MACROD2: variants seen among roughly 807,000 people sequenced by gnomAD.
The protein encoded by MACROD2 is ADP-ribose glycohydrolase MACROD2.
A neutral mutation model predicts 70.4 loss-of-function variants in MACROD2; 36 were observed. That is an observed-to-expected ratio of 0.51 (90% CI 0.39 to 0.68). The LOEUF is 0.68. Ranked by LOEUF, MACROD2 falls within the 30% of genes least tolerant of loss-of-function variation. The probability of loss-of-function intolerance (pLI) is 0.00; values close to 1 mark genes in which losing one functional copy is unlikely to be tolerated. For synonymous variants in MACROD2, 172 were observed against 178.8 expected (o/e 0.96, Z 0.30); for missense variants, 496 against 538.4 (o/e 0.92, Z 0.78).
At position 13,995,939 on chromosome 20, in the gene MACROD2, C is replaced by T. The variant is rs759098297; in HGVS notation, c.46+130C>T. ...GCGCCCTCCCGGCCGGTGCCGCCTCCCTCCGGTGTCCGTGTGTACACACGC... is the reference window on the plus strand; with the variant it reads ...GCGCCCTCCCGGCCGGTGCCGCCTCTCTCCGGTGTCCGTGTGTACACACGC... On this transcript the variant is annotated intron_variant, in intron 1 of 17. Coordinates refer to ENST00000684519, the MANE Select transcript of MACROD2 (RefSeq NM_001351661.2). This position sits in a 1 kb window ranked among gnomAD's most constrained non-coding sequence, Gnocchi z 4.3. 103 of 1,061,452 alleles carry T rather than the reference C, an allele frequency of 9.7e-5. No individual in the cohort carries two copies. Among genetic ancestry groups the T allele is most frequent in the Middle Eastern group, 6.0e-4 (2 of 3,330 alleles). The allele number at this position is 1,061,452 out of a possible 1,614,324, so 65.8% of individuals were successfully genotyped here. A position where few individuals can be genotyped will look rare whatever the true frequency, so the allele number is the denominator to read the frequency against.
At chr20:15,179,095 C>T (rs2076482438) in intron 5 of MACROD2, among the ~76,000 whole-genome samples, 1 of 152,112 alleles carries the variant, frequency 6.6e-6, no homozygotes, top group African/African-American at 2.4e-5. Context: ...CAGAATTTCA[C>T]ACAAAAATCC....
intron 5 of MACROD2, among the ~76,000 whole-genome samples, chr20:14,799,199 T>G (rs990002945): frequency 5.9e-5 from 9 of 152,088 alleles, no homozygotes; most frequent in African/African-American, 2.2e-4. Context: ...ATAAATATAC[T>G]TCTGATGAGA....
At chr20:15,895,869 C>A (rs1369248170) in intron 10 of MACROD2, among the ~76,000 whole-genome samples, 1 of 152,182 alleles carries the variant, frequency 6.6e-6, no homozygotes, top group Non-Finnish European at 1.5e-5. Flanking sequence ...CCACATGGTT[C>A]ATTCTCAGGA....
chr20:14,272,702 A>G (rs1447937409), intron 3 of MACROD2, among the ~76,000 whole-genome samples: 1 of 151,852 alleles, frequency 6.6e-6, no homozygotes, highest in African/African-American at 2.4e-5. Flanking sequence ...AGACTGGCAA[A>G]TTGGATAAAG....
chr20:15,346,107 A>AT (rs11477138), intron 6 of MACROD2, among the ~76,000 whole-genome samples: 143 of 140,552 alleles, frequency 1.0e-3, no homozygotes, highest in African/African-American at 3.2e-3. Flanking sequence ...TAAGGTAAAA[A>AT]TTTTTTTTTT....
At chr20:14,361,683 G>A (rs919267118) in intron 3 of MACROD2, among the ~76,000 whole-genome samples, 13 of 152,106 alleles carry the variant, frequency 8.5e-5, no homozygotes, top group Admixed American at 4.6e-4. Context: ...TTAATGACCC[G>A]ATACTGTTCT....
intron 8 of MACROD2, among the ~76,000 whole-genome samples, chr20:15,762,456 T>G (rs1393615790): frequency 1.3e-5 from 2 of 152,148 alleles, no homozygotes; most frequent in Non-Finnish European, 2.9e-5. Context: ...CCATTCTACC[T>G]AAACCTCCCT....
Position 15,133,905 on chromosome 20 carries a change from C to CTT in MACROD2, c.419-96014_419-96013dup, listed in dbSNP as rs11467185. 1.9e-3 allele frequency among the ~76,000 whole-genome samples: 212 copies of CTT among 111,268 alleles called. 1 individual carries two copies. The highest frequency in any genetic ancestry group is 4.9e-3 in the Middle Eastern group (1 of 204). The allele number at this position is 111,268 out of a possible 152,430, so 73.0% of individuals were successfully genotyped here. On this transcript the variant is annotated intron_variant, in intron 5 of 17. Transcript: ENST00000684519. ...AATTATATTAATACTTTTAAATAATCTTTTTTTTTTTTTTTTTTTTTTGAG... is the reference window on the plus strand; with the variant it reads ...AATTATATTAATACTTTTAAATAATCTTTTTTTTTTTTTTTTTTTTTTTTGAG...
At chr20:14,124,789 C>T (rs2054627056) in intron 3 of MACROD2, among the ~76,000 whole-genome samples, 1 of 152,222 alleles carries the variant, frequency 6.6e-6, no homozygotes, top group South Asian at 2.1e-4. Context: ...CCCAGCCATT[C>T]CACTCCTAGG....
In MACROD2 at chr20:15,888,078, C is replaced by G. The variant is rs1490434614; in HGVS notation, c.775+2267C>G. On this transcript the variant is annotated intron_variant, in intron 10 of 17. Transcript: ENST00000684519. ...TGCTTTCCTTTTCCTGTCTTTCTTC[C>G]CTACTCCTCTTGTGATACTTACTAA... Among the ~76,000 whole-genome samples, 3 of 152,086 alleles carry G rather than the reference C, an allele frequency of 2.0e-5. No homozygotes were observed. The East Asian group carries it at 5.8e-4, about 29-fold the overall frequency.
intron 3 of MACROD2, among the ~76,000 whole-genome samples, chr20:14,346,093 CAAAAAAAAAAAAAAA>C (rs71190130): frequency 6.1e-4 from 25 of 41,150 alleles, no homozygotes; most frequent in Non-Finnish European, 8.6e-4. Context: ...GATTCTGCCT[CAAAAAAAAAAAAAAA>C]AAAAAAAAAA....
At chr20:15,257,846 TCCTTCTGG>T (rs2077213016) in intron 6 of MACROD2, among the ~76,000 whole-genome samples, 1 of 152,042 alleles carries the variant, frequency 6.6e-6, no homozygotes, top group Non-Finnish European at 1.5e-5. Flanking sequence ...CTCAGGCAGT[TCCTTCTGG>T]AGGTATTCCA....
chr20:15,986,496 A>G (rs760629954), intron 13 of MACROD2, among the ~76,000 whole-genome samples: 2 of 152,172 alleles, frequency 1.3e-5, no homozygotes, highest in Non-Finnish European at 2.9e-5. Flanking sequence ...AAGTATGCCA[A>G]TTTTGCATCA....
At chr20:15,642,548 TAGAGTAACCTAAAGAGGG>T (rs1340854114) in intron 8 of MACROD2, among the ~76,000 whole-genome samples, 1 of 151,254 alleles carries the variant, frequency 6.6e-6, no homozygotes, top group East Asian at 1.9e-4. Context: ...GATTTGTGGT[TAGAGTAACCTAAAGAGGG>T]AGGGAAGTAG....
chr20:16,048,406 A>G (rs376579974), intron 17 of MACROD2, among the ~76,000 whole-genome samples: 5 of 152,172 alleles, frequency 3.3e-5, no homozygotes, highest in African/African-American at 7.2e-5. Context: ...AACAAATTAA[A>G]ATGTAGTAGT....
rs950530823 is a variant in MACROD2 at position 14,716,724 on chromosome 20, G to T, written c.418+31765G>T. On this transcript the variant is annotated intron_variant, in intron 5 of 17. Coordinates refer to ENST00000684519, the MANE Select transcript of MACROD2 (RefSeq NM_001351661.2). ...TGAAGATGGCTTAACACGTGAAGTG[G>T]GTAAAAAAAATGTGTAATTGAAACA... Among the ~76,000 whole-genome samples, 3 of 152,090 alleles carry T rather than the reference G, an allele frequency of 2.0e-5. No homozygotes were observed. The East Asian group carries it at 5.8e-4, about 29-fold the overall frequency.
At chr20:14,592,512 C>A (rs897560194) in intron 4 of MACROD2, among the ~76,000 whole-genome samples, 3 of 152,128 alleles carry the variant, frequency 2.0e-5, no homozygotes, top group African/African-American at 7.2e-5. Context: ...CAGCCTTGAC[C>A]TCCTGGGCTC....
At chr20:14,147,611 A>G (rs6042551) in intron 3 of MACROD2, among the ~76,000 whole-genome samples, 2,223 of 152,304 alleles carry the variant, frequency 0.015, 53 homozygotes, top group African/African-American at 0.051. Flanking sequence ...TGAAAGTAGT[A>G]TGTTATTTCT....
chr20:15,558,366 A>G (rs2048196843), intron 8 of MACROD2, among the ~76,000 whole-genome samples: 1 of 152,202 alleles, frequency 6.6e-6, no homozygotes, highest in African/African-American at 2.4e-5. Flanking sequence ...CCTGCACTGA[A>G]ATCCTCAGGC....
Sources: gnomAD v4.1 joint callset for allele counts (sites outside exome capture counted in the v4.1 genomes callset) on GRCh38, gnomAD v4.1.1 for gene constraint, Gnocchi (gnomAD v3.1) non-coding constraint, MANE v1.5 for transcripts, NCBI Gene and HGNC (gene_info 2026-07-23, HGNC 2026-07-21) for gene names.